Variants in GPRC5A observed in about 807,000 individuals in gnomAD.
The protein encoded by GPRC5A is G protein-coupled receptor class C group 5 member A.
GPRC5A carries 19 observed loss-of-function variants against 22.5 expected under a neutral mutation model. The observed-to-expected ratio is 0.85, with a 90% CI of 0.59 to 1.24. The LOEUF is 1.24. Among genes scored for constraint, GPRC5A ranks in the 50% most tolerant of loss-of-function variants. The pLI is 0.00. For missense variants in GPRC5A, 471 were observed against 451.1 expected, an observed-to-expected ratio of 1.04 and a Z score of -0.40; for synonymous variants, 192 against 184.5, an observed-to-expected ratio of 1.04 and a Z score of -0.33.
At chr12:12,912,222 C>A (rs767966386) in intron 3 of GPRC5A, 80 bp downstream of exon 3, 3 of 1,097,734 alleles carry the variant, frequency 2.7e-6, no homozygotes, top group East Asian at 4.7e-5. Context: ...GACGATGTTA[C>A]CTTTCTCATG....
intron 1 of GPRC5A, among the ~76,000 whole-genome samples, chr12:12,903,525 G>T (rs926616225): frequency 6.6e-6 from 1 of 152,132 alleles, no homozygotes; most frequent in Non-Finnish European, 1.5e-5. Context: ...GGGCTCAAAC[G>T]ATCAGCCCGC....
chr12:12,907,400 C>CAAA (rs567033664), intron 1 of GPRC5A, among the ~76,000 whole-genome samples: 1 of 90,136 alleles, frequency 1.1e-5, no homozygotes, highest in Non-Finnish European at 2.1e-5. Flanking sequence ...GACTCTGTCT[C>CAAA]AAAAAAAAAA....
At chr12:12,894,648 A>G (rs747914365) in intron 1 of GPRC5A, among the ~76,000 whole-genome samples, 2 of 152,066 alleles carry the variant, frequency 1.3e-5, no homozygotes, top group South Asian at 2.1e-4. Flanking sequence ...GGCTCAAGCA[A>G]TCTTCCTGCC....
intron 1 of GPRC5A, among the ~76,000 whole-genome samples, chr12:12,906,123 G>T (rs1482958564): frequency 6.6e-6 from 1 of 152,206 alleles, no homozygotes; most frequent in Non-Finnish European, 1.5e-5. Context: ...CCTGGATTCA[G>T]ATCCTGGCTG....
chr12:12,900,708 T>C (rs564315678), intron 1 of GPRC5A, among the ~76,000 whole-genome samples: 184 of 151,662 alleles, frequency 1.2e-3, no homozygotes, highest in Non-Finnish European at 1.9e-3. Flanking sequence ...CTGACCAACA[T>C]GGAGAAACCC....
chr12:12,908,185 G>C, intron 1 of GPRC5A, 58 bp from the exon 2 acceptor site: 1 of 1,164,266 alleles, frequency 8.6e-7, no homozygotes, highest in Non-Finnish European at 1.2e-6. Flanking sequence ...TTCTGTGTCT[G>C]AGGACTGTGT....
rs181099632 is a variant in GPRC5A, at chr12:12,914,784, T to A, written c.*2245T>A. On this transcript the variant is annotated 3_prime_UTR_variant, in exon 4 of 4. Coordinates refer to ENST00000014914, the MANE Select transcript of GPRC5A (RefSeq NM_003979.4). ...GCGTGCGTGCGCCACCACGCCTGGCTAATTTTTGTATTTTTAGTACAGACG... is the reference window on the plus strand; with the variant it reads ...GCGTGCGTGCGCCACCACGCCTGGCAAATTTTTGTATTTTTAGTACAGACG... 6.6e-6 allele frequency: 1 copy of A among 151,910 alleles called. No homozygotes were observed. Among genetic ancestry groups the A allele is most frequent in the Non-Finnish European group, 1.5e-5 (1 of 68,028 alleles). The allele number at this position is 151,910 out of a possible 1,614,324, so 9.4% of individuals were successfully genotyped here. A position where few individuals can be genotyped will look rare whatever the true frequency, so the allele number is the denominator to read the frequency against.
At chr12:12,898,687 C>T (rs1422452818) in intron 1 of GPRC5A, among the ~76,000 whole-genome samples, 1 of 152,222 alleles carries the variant, frequency 6.6e-6, no homozygotes, top group African/African-American at 2.4e-5. Flanking sequence ...TAGCATCTCT[C>T]CTTTCAAGCC....
Position 12,917,315 on chromosome 12 carries a change from C to T in GPRC5A, c.*4776C>T, listed in dbSNP as rs1222277315. 6.6e-6 allele frequency: 1 copy of T among 151,556 alleles called. No individual in the cohort carries two copies. The highest frequency in any genetic ancestry group is 1.5e-5 in the Non-Finnish European group (1 of 68,142). 9.4% of individuals were successfully genotyped at this position (151,556 alleles called of 1,614,324 possible). A position where few individuals can be genotyped will look rare whatever the true frequency, so the allele number is the denominator to read the frequency against. On this transcript the variant is annotated 3_prime_UTR_variant, in exon 4 of 4. Transcript: ENST00000014914. ...CAACCTCCAGATTTCTTTCTTGACC[C>T]TTCAAAGTGGAACAGTCCAGTGCCA...
rs990845330 is a variant in GPRC5A, at chr12:12,916,737, G to T, written c.*4198G>T. On this transcript the variant is annotated 3_prime_UTR_variant, in exon 4 of 4. Coordinates refer to ENST00000014914, the MANE Select transcript of GPRC5A (RefSeq NM_003979.4). ...GGTCTCATATGCTATTGTTGTTAAC[G>T]TGGACTAGTATTTATGTGTTGAGAA... 1 of 152,182 alleles carries T rather than the reference G, an allele frequency of 6.6e-6. No homozygotes were observed. The highest frequency in any genetic ancestry group is 2.4e-5 in the African/African-American group (1 of 41,436). 9.4% of individuals were successfully genotyped at this position (152,182 alleles called of 1,614,324 possible).
intron 1 of GPRC5A, among the ~76,000 whole-genome samples, chr12:12,892,416 G>A (rs1863769565): frequency 6.6e-6 from 1 of 152,134 alleles, no homozygotes; most frequent in African/African-American, 2.4e-5. Flanking sequence ...TGCCCAGGCT[G>A]GAGTACAATG....
rs1555104732 is a variant in GPRC5A at position 12,900,923 on chromosome 12, A to AAAAAAAAAAAC, written c.-7-7319_-7-7318insAAAAAAAAACA. Among the ~76,000 whole-genome samples, 34 of 109,980 alleles carry AAAAAAAAAAAC rather than the reference A, an allele frequency of 3.1e-4. 1 individual carries two copies. The highest frequency in any genetic ancestry group is 8.2e-4 in the East Asian group (2 of 2,442). The allele number at this position is 109,980 out of a possible 152,430, so 72.2% of individuals were successfully genotyped here. A position where few individuals can be genotyped will look rare whatever the true frequency, so the allele number is the denominator to read the frequency against. The stretch of plus-strand genomic sequence containing the variant: ...AAAAAAAAAAAAAAAACAAAAAAAA[A>AAAAAAAAAAAC]ACAACCCAGAAAAACCCAAAAAACA... On this transcript the variant is annotated intron_variant, in intron 1 of 3. Coordinates refer to ENST00000014914, the MANE Select transcript of GPRC5A (RefSeq NM_003979.4).
At chr12:12,905,563 A>C (rs1237356873) in intron 1 of GPRC5A, among the ~76,000 whole-genome samples, 1 of 152,260 alleles carries the variant, frequency 6.6e-6, no homozygotes, top group African/African-American at 2.4e-5. Flanking sequence ...ATTGTTGACA[A>C]ACTGGACTAT....
chr12:12,905,407 G>A (rs775806414), intron 1 of GPRC5A, among the ~76,000 whole-genome samples: 39 of 151,830 alleles, frequency 2.6e-4, no homozygotes, highest in Middle Eastern at 3.2e-3. Context: ...CTTCTAGTCC[G>A]TTCAAAACTT....
chr12:12,897,579 C>T (rs1438260277), intron 1 of GPRC5A, among the ~76,000 whole-genome samples: 5 of 149,362 alleles, frequency 3.3e-5, no homozygotes, highest in East Asian at 1.9e-4. Context: ...CTGGATCTGC[C>T]GTGACAGACA....
intron 2 of GPRC5A, among the ~76,000 whole-genome samples, chr12:12,910,676 T>C (rs942108036): frequency 2.6e-5 from 4 of 152,152 alleles, no homozygotes; most frequent in Non-Finnish European, 2.9e-5. Context: ...CTTCTGCCCT[T>C]CTCCAGGATC....
intron 1 of GPRC5A, among the ~76,000 whole-genome samples, chr12:12,904,164 G>C (rs1260201357): frequency 6.6e-6 from 1 of 152,132 alleles, no homozygotes; most frequent in South Asian, 2.1e-4. Context: ...GAAGGAAATA[G>C]GGTCTTCCTC....
chr12:12,914,584 C>CT lies in GPRC5A; in HGVS notation c.*2048dup, dbSNP rs1234018017. Reference sequence around the variant, plus strand: ...TCTTTCTTTCTTTCTTTCTTTCTTTCTTTCTTTCTTTCTCTCTCTCTCTCT... The same window carrying CT: ...TCTTTCTTTCTTTCTTTCTTTCTTTCTTTTCTTTCTTTCTCTCTCTCTCTCT... On this transcript the variant is annotated 3_prime_UTR_variant, in exon 4 of 4. Transcript: ENST00000014914. 11 of 92,420 alleles carry CT rather than the reference C, an allele frequency of 1.2e-4. No individual in the cohort carries two copies. The highest frequency in any genetic ancestry group is 1.2e-4 in the Non-Finnish European group (6 of 50,546). 5.7% of individuals were successfully genotyped at this position (92,420 alleles called of 1,614,324 possible).
In GPRC5A at chr12:12,905,915, T is replaced by A. The variant is rs146192233; in HGVS notation, c.-7-2328T>A. Among the ~76,000 whole-genome samples, 194 of 152,104 alleles carry A rather than the reference T, an allele frequency of 1.3e-3. 1 individual carries two copies. The East Asian group carries it at 0.031, about 24-fold the overall frequency. ...TTTGTGGATGGTCCGTTACCTGGGA[T>A]CTCCTATCCTCCTGGGGCTGAACTA... On this transcript the variant is annotated intron_variant, in intron 1 of 3. Transcript: ENST00000014914.
Sources: gnomAD v4.1 joint callset for allele counts (sites outside exome capture counted in the v4.1 genomes callset) on GRCh38, gnomAD v4.1.1 for gene constraint, MANE v1.5 for transcripts, NCBI Gene and HGNC (gene_info 2026-07-23, HGNC 2026-07-21) for gene names.